PKHD1: variants seen among roughly 807,000 people sequenced by gnomAD.
The protein encoded by PKHD1 is fibrocystin.
In PKHD1, 291 loss-of-function variants were observed where a neutral mutation model predicts 412.0. The ratio of observed to expected loss-of-function variants is 0.71; its 90% CI spans 0.64 to 0.78. The LOEUF is 0.78. Ranked by LOEUF, PKHD1 falls within the 30% of genes least tolerant of loss-of-function variation. The pLI is 0.00. For missense variants in PKHD1, 4,825 were observed against 4,950.7 expected, an observed-to-expected ratio of 0.97 and a Z score of 0.76; for synonymous variants, 1,777 against 1,821.5, an observed-to-expected ratio of 0.98 and a Z score of 0.62.
At chr6:51,736,551 C>T (rs1783875640) in intron 60 of PKHD1, among the ~76,000 whole-genome samples, 1 of 152,100 alleles carries the variant, frequency 6.6e-6, no homozygotes, top group Non-Finnish European at 1.5e-5. Flanking sequence ...AATACCATGA[C>T]ATCTGGAATC....
intron 60 of PKHD1, among the ~76,000 whole-genome samples, chr6:51,670,040 A>G (rs1438921133): frequency 3.3e-5 from 5 of 149,492 alleles, no homozygotes; most frequent in African/African-American, 1.2e-4. Context: ...TGGGGTGGAG[A>G]GTTCTGTAGA....
In PKHD1 at chr6:52,020,703, G is replaced by T. The variant is rs79113023; in HGVS notation, c.5380+2098C>A. On this transcript the variant is annotated intron_variant, in intron 33 of 66. Coordinates refer to ENST00000371117, the MANE Select transcript of PKHD1 (RefSeq NM_138694.4). ...GGGAGCATCCATTAGGCAGAGGATG[G>T]ATTTCTCTGAAAAGAGCAACTGCGA... Among the ~76,000 whole-genome samples, 310 of 152,298 alleles carry T rather than the reference G, an allele frequency of 2.0e-3. 3 individuals carry two copies. The highest frequency in any genetic ancestry group is 7.1e-3 in the African/African-American group (297 of 41,556).
intron 11 of PKHD1, 27 bp from the exon 12 acceptor site, chr6:52,066,104 T>C (rs1001387799): frequency 3.5e-6 from 3 of 866,820 alleles, no homozygotes; most frequent in African/African-American, 1.7e-5. Context: ...AAAAAAAAAG[T>C]AAGCTTCCAA....
Position 52,046,131 on chromosome 6 carries a change from T to C in PKHD1, c.2465A>G (p.Asp822Gly). ...ATTGAGGTACCTGGATGTGAAGTCA[T>C]CGGCATTATTCTGTAAGAGCTGGTG... ...HLHQLLQNNA[D>G]DFTSRYLNAS... is the part of the protein sequence containing the mutation. Residue 822 changes from aspartate (D) to glycine (G), a missense_variant, in exon 24 of 67, where the codon GAT becomes GGT. Coordinates refer to ENST00000371117, the MANE Select transcript of PKHD1 (RefSeq NM_138694.4). The C allele has an allele frequency of 3.1e-6, 5 of 1,613,674 alleles. No homozygotes were observed. The highest frequency in any genetic ancestry group is 4.2e-6 in the Non-Finnish European group (5 of 1,179,568).
At chr6:51,814,502 C>T (rs1765158991) in intron 52 of PKHD1, among the ~76,000 whole-genome samples, 1 of 152,190 alleles carries the variant, frequency 6.6e-6, no homozygotes, top group Admixed American at 6.5e-5. Context: ...ACCTCTGAAA[C>T]CATTTCACAG....
In PKHD1 at chr6:51,748,065, T is replaced by A; in HGVS notation, c.9551A>T (p.Tyr3184Phe). 6.2e-7 allele frequency: 1 copy of A among 1,614,076 alleles called. No homozygotes were observed. ...GGAATTTTGTGGAGCAGAAAATACA[T>A]ACACTACTGCCAAAAGACCAATAGT... ...DNTIGLLAVV[Y>F]VFSAPQNSVK... Residue 3184 changes from tyrosine to phenylalanine, a missense_variant, in exon 58 of 67, where the codon TAT becomes TTT. Coordinates refer to ENST00000371117, the MANE Select transcript of PKHD1 (RefSeq NM_138694.4).
chr6:51,967,825 T>C (rs1223442390), intron 35 of PKHD1, among the ~76,000 whole-genome samples: 2 of 152,228 alleles, frequency 1.3e-5, no homozygotes, highest in African/African-American at 2.4e-5. Context: ...CGTGTTTGTG[T>C]TCCCAGTCAC....
At chr6:52,074,257 T>C (rs1040289057) in intron 6 of PKHD1, among the ~76,000 whole-genome samples, 1 of 152,206 alleles carries the variant, frequency 6.6e-6, no homozygotes, top group Non-Finnish European at 1.5e-5. Context: ...AAAAAGATGT[T>C]CCCTTCCTAC....
chr6:51,749,024 G>C, intron 57 of PKHD1, among the ~76,000 whole-genome samples: 1 of 152,146 alleles, frequency 6.6e-6, no homozygotes, highest in East Asian at 1.9e-4. Flanking sequence ...CTGGGTTTCT[G>C]GCCCTTCACC....
intron 61 of PKHD1, among the ~76,000 whole-genome samples, chr6:51,653,764 T>C (rs1771345723): frequency 6.6e-6 from 1 of 152,020 alleles, no homozygotes; most frequent in African/African-American, 2.4e-5. Flanking sequence ...CCTAGGTGGG[T>C]TTAACAGGGC....
chr6:51,984,740 CCT>C (rs1796002751), intron 35 of PKHD1, among the ~76,000 whole-genome samples: 1 of 152,130 alleles, frequency 6.6e-6, no homozygotes, highest in Non-Finnish European at 1.5e-5. Context: ...GAAATTATAA[CCT>C]AATCTGGAAT....
At chr6:52,029,369 C>T (rs1280224982) in intron 29 of PKHD1, among the ~76,000 whole-genome samples, 2 of 152,098 alleles carry the variant, frequency 1.3e-5, no homozygotes, top group East Asian at 3.9e-4. Context: ...TTATTGAGTA[C>T]CATAAGGAAG....
chr6:51,668,483 G>A (rs62461290), intron 60 of PKHD1, among the ~76,000 whole-genome samples: 8,424 of 151,982 alleles, frequency 0.055, 290 homozygotes, highest in East Asian at 0.13. Flanking sequence ...CAATCATGTC[G>A]TCTGCAAACA....
chr6:51,897,861 A>G (rs1001119620), intron 43 of PKHD1, among the ~76,000 whole-genome samples: 4 of 150,868 alleles, frequency 2.7e-5, no homozygotes, highest in Non-Finnish European at 4.4e-5. Context: ...AGGGGTTGCA[A>G]TCCTAGTCTC....
rs62406032 is a variant in PKHD1 at position 52,046,107 on chromosome 6, T to C, written c.2489A>G (p.Asn830Ser). Residue 830 changes from asparagine to serine, a missense_variant, in exon 24 of 67, where the codon AAT becomes AGT. Coordinates refer to ENST00000371117, the MANE Select transcript of PKHD1 (RefSeq NM_138694.4). Reference sequence around the variant, plus strand: ...CTCCTTCACAGTGAAGTCACTGGCATTGAGGTACCTGGATGTGAAGTCATC... The same window carrying C: ...CTCCTTCACAGTGAAGTCACTGGCACTGAGGTACCTGGATGTGAAGTCATC... ...NADDFTSRYL[N>S]ASDFTVKEDL... 0.068 allele frequency: 109,989 copies of C among 1,612,894 alleles called. 4,189 individuals are homozygous for C. Among genetic ancestry groups the C allele is most frequent in the East Asian group, 0.12 (5,194 of 44,866 alleles).
At position 52,058,426 on chromosome 6, in the gene PKHD1, C is replaced by A. The variant is rs776845008; in HGVS notation, c.1409G>T (p.Gly470Val). 6.2e-7 allele frequency: 1 copy of A among 1,614,156 alleles called. No homozygotes were observed. The highest frequency in any genetic ancestry group is 8.5e-7 in the Non-Finnish European group (1 of 1,180,006). The change falls in exon 16 of 67, where the codon GGT (glycine) becomes GTT (valine). Residue 470 changes from glycine to valine, a missense_variant. Transcript: ENST00000371117. ...CAGCCAGGTGTTGTGAATCTGGACA[C>A]CAATCCTCATCCCCCTGCTTGGGGC... is the stretch of plus-strand genomic sequence containing the variant. Reference protein sequence around the residue: ...GIAPSRGMRIGVQIHNTWLNP... With the variant: ...GIAPSRGMRIVVQIHNTWLNP...
chr6:51,725,215 A>T (rs141986531), intron 60 of PKHD1, among the ~76,000 whole-genome samples: 81 of 152,292 alleles, frequency 5.3e-4, no homozygotes, highest in Non-Finnish European at 9.4e-4. Flanking sequence ...GTGTGACATG[A>T]TTGGCATCCC....
chr6:52,073,683 G>A (rs565995363), intron 6 of PKHD1, 142 bp from the exon 7 acceptor site: 5 of 666,958 alleles, frequency 7.5e-6, no homozygotes, highest in African/African-American at 5.4e-5. Context: ...TTAATAAATT[G>A]TACAACAGTA....
chr6:51,630,609 A>G (rs1232343799), intron 65 of PKHD1, among the ~76,000 whole-genome samples: 4 of 152,196 alleles, frequency 2.6e-5, no homozygotes, highest in African/African-American at 9.6e-5. Flanking sequence ...AATTATTGAA[A>G]GCATAACAAG....
Sources: allele counts gnomAD v4.1 joint callset (sites outside exome capture counted in the v4.1 genomes callset), GRCh38; gene constraint gnomAD v4.1.1; transcripts MANE v1.5; gene names NCBI Gene and HGNC (gene_info 2026-07-23, HGNC 2026-07-21).